ANO10: variants seen among roughly 807,000 people sequenced by gnomAD.
ANO10 encodes anoctamin-10.
Under a neutral mutation model 74.7 loss-of-function variants are expected in ANO10, and 77 were observed. The ratio of observed to expected loss-of-function variants is 1.03; its 90% confidence interval spans 0.86 to 1.25. ANO10 has a LOEUF of 1.25. Among genes scored for constraint, ANO10 ranks in the 50% most tolerant of loss-of-function variants. The pLI is 0.00. For missense variants in ANO10, 721 were observed against 778.1 expected (o/e 0.93, Z 0.87); for synonymous variants, 279 against 284.9 (o/e 0.98, Z 0.21).
intron 1 of ANO10, among the ~76,000 whole-genome samples, chr3:43,641,963 G>T (rs2083674690): frequency 1.3e-5 from 2 of 152,080 alleles, no homozygotes; most frequent in African/African-American, 4.8e-5. Flanking sequence ...ACACAGCTGA[G>T]CCATTTGAAA....
intron 11 of ANO10, among the ~76,000 whole-genome samples, chr3:43,523,635 C>T (rs1201778314): frequency 6.6e-6 from 1 of 152,096 alleles, no homozygotes; most frequent in African/African-American, 2.4e-5. Flanking sequence ...GATGACTAAC[C>T]CCAAGTTCTG....
chr3:43,418,940 T>A (rs1486457364), intron 12 of ANO10, among the ~76,000 whole-genome samples: 1 of 152,254 alleles, frequency 6.6e-6, no homozygotes, highest in Non-Finnish European at 1.5e-5. Flanking sequence ...TGCTTTTGCA[T>A]TACAGCAGCA....
chr3:43,617,862 A>G (rs2083196878), intron 1 of ANO10, among the ~76,000 whole-genome samples: 1 of 152,228 alleles, frequency 6.6e-6, no homozygotes, highest in African/African-American at 2.4e-5. Context: ...TATGAAGCAG[A>G]TTAGGAAACA....
chr3:43,460,305 T>C (rs1448435243), intron 11 of ANO10, among the ~76,000 whole-genome samples: 1 of 151,908 alleles, frequency 6.6e-6, no homozygotes, highest in East Asian at 1.9e-4. Context: ...GTAGGAAGAG[T>C]GATATGGAAG....
chr3:43,366,896 C>A lies in ANO10; in HGVS notation c.*10G>T, dbSNP rs377647762. 4 of 1,579,604 alleles carry A rather than the reference C, an allele frequency of 2.5e-6. No homozygotes were observed. The South Asian group carries it at 3.5e-5, about 14-fold the overall frequency. ...CCTCTGCCAACAGGGCAGCTGGGCA[C>A]GCTGGGCACTCAGGTTGCCTTCTCC... On this transcript the variant is annotated 3_prime_UTR_variant, in exon 13 of 13. Coordinates refer to ENST00000292246, the MANE Select transcript of ANO10 (RefSeq NM_018075.5).
chr3:43,659,692 C>T (rs912884066), intron 1 of ANO10, among the ~76,000 whole-genome samples: 17 of 152,220 alleles, frequency 1.1e-4, no homozygotes, highest in Admixed American at 7.2e-4. Context: ...CAGACTTAAA[C>T]GCCCCTGCCT....
rs538545149 is a variant in ANO10, at chr3:43,690,967, G to C, written c.-12+550C>G. ...GGCCTGTCAGCCGGCTTCGAGATAA[G>C]TCCCGGCGCTTGCGCGGCGGCGGCT... On this transcript the variant is annotated intron_variant, in intron 1 of 3. Coordinates refer to the ANO10 transcript ENST00000413397. 7.7e-6 allele frequency: 12 copies of C among 1,567,146 alleles called. No individual in the cohort carries two copies. In the African/African-American group the frequency reaches 9.9e-5, roughly 13 times the overall value.
chr3:43,520,471 T>A lies in ANO10; in HGVS notation c.1797+29249A>T, dbSNP rs533202641. Among the ~76,000 whole-genome samples the A allele has an allele frequency of 2.6e-5, 4 of 152,256 alleles. No individual in the cohort carries two copies. The East Asian group carries it at 7.7e-4, about 29-fold the overall frequency. ...ACAGCATGGAGTCCAAACTTCATCC[T>A]TTTACATGTGGATATCCAGCTGTTT... On this transcript the variant is annotated intron_variant, in intron 11 of 12. Coordinates refer to ENST00000292246, the MANE Select transcript of ANO10 (RefSeq NM_018075.5).
chr3:43,525,701 T>A (rs879584079), intron 11 of ANO10, among the ~76,000 whole-genome samples: 12 of 152,318 alleles, frequency 7.9e-5, no homozygotes, highest in Admixed American at 7.8e-4. Context: ...TCTTTCTAAG[T>A]TCCTAAAATA....
chr3:43,607,493 C>A (rs1177690317), intron 1 of ANO10, among the ~76,000 whole-genome samples: 1 of 151,972 alleles, frequency 6.6e-6, no homozygotes, highest in Non-Finnish European at 1.5e-5. Context: ...GGCTAGGGGA[C>A]AAAACATGTA....
At chr3:43,490,696 A>G (rs1278597002) in intron 11 of ANO10, among the ~76,000 whole-genome samples, 1 of 152,244 alleles carries the variant, frequency 6.6e-6, no homozygotes, top group Non-Finnish European at 1.5e-5. Context: ...ATATTGATGC[A>G]AAGATTCTAA....
chr3:43,577,295 G>C (rs750080625), intron 5 of ANO10, 34 bp from the exon 6 acceptor site: 1 of 1,587,068 alleles, frequency 6.3e-7, no homozygotes, highest in Non-Finnish European at 8.6e-7. Context: ...CATAAGTATA[G>C]ACTACCAAAC....
intron 11 of ANO10, among the ~76,000 whole-genome samples, chr3:43,495,731 C>T (rs185716807): frequency 2.6e-4 from 39 of 151,916 alleles, no homozygotes; most frequent in Non-Finnish European, 4.0e-4. Context: ...GATGGAGTCT[C>T]ACTCTGTCCC....
At chr3:43,588,961 T>A (rs967387064) in intron 4 of ANO10, among the ~76,000 whole-genome samples, 2 of 152,118 alleles carry the variant, frequency 1.3e-5, no homozygotes, top group African/African-American at 4.8e-5. Context: ...GAAAACAAAG[T>A]ACAAGGGACA....
chr3:43,555,542 G>T (rs908281856), intron 9 of ANO10, 73 bp from the exon 10 acceptor site: 2 of 1,464,970 alleles, frequency 1.4e-6, no homozygotes, highest in African/African-American at 2.8e-5. Context: ...ACTAATCAAA[G>T]CTGTGGCCTC....
intron 11 of ANO10, among the ~76,000 whole-genome samples, chr3:43,518,225 AT>A (rs1451094836): frequency 6.6e-6 from 1 of 152,164 alleles, no homozygotes; most frequent in African/African-American, 2.4e-5. Context: ...ACCCAAATTA[AT>A]ACTTTTATAA....
chr3:43,557,915 G>A (rs1184672935), intron 9 of ANO10, among the ~76,000 whole-genome samples: 2 of 151,426 alleles, frequency 1.3e-5, no homozygotes, highest in East Asian at 1.9e-4. Flanking sequence ...GACCAGCCTG[G>A]GCAACACAGT....
chr3:43,667,806 T>C (rs1320264328), intron 1 of ANO10, among the ~76,000 whole-genome samples: 1 of 152,220 alleles, frequency 6.6e-6, no homozygotes, highest in Admixed American at 6.5e-5. Context: ...TATCCCATGG[T>C]GTATATATAC....
intron 12 of ANO10, among the ~76,000 whole-genome samples, chr3:43,383,453 C>CAA (rs1235535066): frequency 0.036 from 1,824 of 50,250 alleles, 85 homozygotes; most frequent in African/African-American, 0.12. Context: ...GACTCTGTCT[C>CAA]AAAAAAAAAA....
Sources: allele counts gnomAD v4.1 joint callset (sites outside exome capture counted in the v4.1 genomes callset), GRCh38; gene constraint gnomAD v4.1.1; transcripts MANE v1.5; gene names NCBI Gene and HGNC (gene_info 2026-07-23, HGNC 2026-07-21).